The following TENM3 variants were observed in gnomAD, a reference collection of about 807,000 sequenced individuals.
The protein encoded by TENM3 is teneurin-3.
In TENM3, 63 loss-of-function variants were observed where a neutral mutation model predicts 255.1. The observed-to-expected ratio is 0.25, with a 90% CI of 0.20 to 0.30. The LOEUF is 0.30. Among genes scored for constraint, TENM3 ranks in the 10% least tolerant of loss-of-function variants. TENM3 has a pLI of 1.00. For missense variants in TENM3, 2,929 were observed against 3,461.1 expected (o/e 0.85, Z 3.86); for synonymous variants, 1,306 against 1,322.3 (o/e 0.99, Z 0.27).
chr4:181,851,317 C>T, the TENM3 span, among the ~76,000 whole-genome samples: 10 of 152,316 alleles, frequency 6.6e-5, no homozygotes, highest in African/African-American at 1.7e-4. Context: ...ACCCATACAA[C>T]ATAGTCGATT....
At chr4:181,877,513 A>G in the TENM3 span, among the ~76,000 whole-genome samples, 1 of 152,116 alleles carries the variant, frequency 6.6e-6, no homozygotes, top group African/African-American at 2.4e-5. Flanking sequence ...ATGAGTCAGC[A>G]TTTATGTTTA....
chr4:181,952,712 A>G, the TENM3 span, among the ~76,000 whole-genome samples: 3 of 152,198 alleles, frequency 2.0e-5, no homozygotes, highest in Non-Finnish European at 4.4e-5. Flanking sequence ...AGATCAACAT[A>G]CAAGTCTGCA....
At chr4:181,551,349 A>C in the TENM3 span, among the ~76,000 whole-genome samples, 1 of 152,150 alleles carries the variant, frequency 6.6e-6, no homozygotes, top group Non-Finnish European at 1.5e-5. Context: ...ATAAATGCAC[A>C]ATTTGAGGCA....
chr4:181,574,527 G>C, the TENM3 span, among the ~76,000 whole-genome samples: 2 of 148,376 alleles, frequency 1.3e-5, no homozygotes, highest in East Asian at 4.0e-4. Flanking sequence ...GACAGAGCGA[G>C]ACTCCGTCTC....
chr4:181,804,568 A>T, the TENM3 span, among the ~76,000 whole-genome samples: 1 of 152,240 alleles, frequency 6.6e-6, no homozygotes, highest in Non-Finnish European at 1.5e-5. Flanking sequence ...TGAGACTTTA[A>T]GAATAAACAA....
the TENM3 span, among the ~76,000 whole-genome samples, chr4:181,473,371 T>C: frequency 6.6e-6 from 1 of 152,050 alleles, no homozygotes; most frequent in East Asian, 1.9e-4. Flanking sequence ...GAGGATCTCT[T>C]GAGCCCAGGA....
the TENM3 span, among the ~76,000 whole-genome samples, chr4:181,603,204 G>C: frequency 6.6e-6 from 1 of 152,148 alleles, no homozygotes; most frequent in East Asian, 1.9e-4. Context: ...TGAAGCAGTA[G>C]AACTTTTTGA....
chr4:182,239,260 T>C (rs1757096108), upstream of TENM3, among the ~76,000 whole-genome samples: 1 of 151,942 alleles, frequency 6.6e-6, no homozygotes, highest in African/African-American at 2.4e-5. Flanking sequence ...GTATTTTTAG[T>C]AAAGATGAGG....
intron 1 of TENM3, among the ~76,000 whole-genome samples, chr4:182,223,019 A>G (rs1304945501): frequency 6.6e-6 from 1 of 152,172 alleles, no homozygotes; most frequent in Non-Finnish European, 1.5e-5. Context: ...CTTGGTCTGC[A>G]CAAATAGGAA....
the TENM3 span, among the ~76,000 whole-genome samples, chr4:181,904,257 C>T: frequency 6.6e-6 from 1 of 152,184 alleles, no homozygotes; most frequent in Non-Finnish European, 1.5e-5. Flanking sequence ...ATCTAACACC[C>T]CCCTGACTCT....
the TENM3 span, among the ~76,000 whole-genome samples, chr4:181,612,787 T>G: frequency 6.6e-6 from 1 of 152,320 alleles, no homozygotes; most frequent in Admixed American, 6.5e-5. Flanking sequence ...ATTACTTCAG[T>G]TGAGGCCTAG....
At chr4:182,329,796 G>A (rs1003178197) in intron 2 of TENM3, among the ~76,000 whole-genome samples, 3 of 152,020 alleles carry the variant, frequency 2.0e-5, no homozygotes, top group Non-Finnish European at 4.4e-5. Context: ...AAGAAGAGAG[G>A]TTAATGGTTT....
At chr4:182,760,880 T>C (rs1321778602) in intron 22 of TENM3, among the ~76,000 whole-genome samples, 1 of 152,172 alleles carries the variant, frequency 6.6e-6, no homozygotes, top group Non-Finnish European at 1.5e-5. Context: ...AGACAGGCAA[T>C]GTGAACAGCG....
chr4:181,839,358 T>TAG, the TENM3 span, among the ~76,000 whole-genome samples: 1 of 45,906 alleles, frequency 2.2e-5, no homozygotes, highest in Admixed American at 2.3e-4. Flanking sequence ...TATATATATA[T>TAG]ATATATATAT....
At position 182,651,698 on chromosome 4, in the gene TENM3, GA is replaced by G. The variant is rs560075723; in HGVS notation, c.989-2063del. Reference sequence around the variant, plus strand: ...GGTGACAGAGCGAGACTCCGTCTCAGAAAAAAAAAAGAAAATCAGAGTTTAA... The same window carrying G: ...GGTGACAGAGCGAGACTCCGTCTCAGAAAAAAAAAGAAAATCAGAGTTTAA... On this transcript the variant is annotated intron_variant, in intron 5 of 27. Coordinates refer to ENST00000511685, the MANE Select transcript of TENM3 (RefSeq NM_001080477.4). Among the ~76,000 whole-genome samples the G allele has an allele frequency of 1.7e-4, 25 of 146,264 alleles. No individual in the cohort carries two copies. In the South Asian group the frequency reaches 4.0e-3, roughly 23 times the overall value.
At chr4:181,586,989 CTTTT>C in the TENM3 span, among the ~76,000 whole-genome samples, 1 of 152,126 alleles carries the variant, frequency 6.6e-6, no homozygotes, top group Non-Finnish European at 1.5e-5. Context: ...CCCAAGTACA[CTTTT>C]CTTTATTCTT....
chr4:182,682,004 C>T lies in TENM3; in HGVS notation c.2025C>T (p.Asp675=). 6.2e-7 allele frequency: 1 copy of T among 1,613,788 alleles called. No individual in the cohort carries two copies. ...GTGACCCTAACTGGACTGGCCCAGA[C>T]TGCTCAAACGGTGAGGTTAATAAAT... The part of the protein sequence containing the change: ...CTCDPNWTGP[D]CSNEICSVDC... Residue 675 remains aspartate (D), a synonymous_variant, in exon 11 of 28, where the codon GAC becomes GAT. Transcript: ENST00000511685.
the TENM3 span, among the ~76,000 whole-genome samples, chr4:181,840,609 G>A: frequency 2.0e-5 from 3 of 152,036 alleles, no homozygotes; most frequent in African/African-American, 7.2e-5. Context: ...CCTTATTCCT[G>A]TTTAATTCCA....
At chr4:181,815,462 C>CA in the TENM3 span, among the ~76,000 whole-genome samples, 437 of 82,032 alleles carry the variant, frequency 5.3e-3, 12 homozygotes, top group African/African-American at 0.015. Context: ...GACTCCCTAT[C>CA]AAAAAAAAAA....
Sources: gnomAD v4.1 joint callset for allele counts (sites outside exome capture counted in the v4.1 genomes callset) on GRCh38, gnomAD v4.1.1 for gene constraint, MANE v1.5 for transcripts, NCBI Gene and HGNC (gene_info 2026-07-23, HGNC 2026-07-21) for gene names.